ULK2: variants seen among roughly 807,000 people sequenced by gnomAD.
ULK2 encodes the protein unc-51 like autophagy activating kinase 2.
ULK2 carries 76 observed loss-of-function variants against 127.5 expected under a neutral mutation model. That is an observed-to-expected ratio of 0.60 (90% confidence interval 0.50 to 0.72). The LOEUF (loss-of-function observed/expected upper bound fraction) is 0.72. Among genes scored for constraint, ULK2 ranks in the 30% least tolerant of loss-of-function variants. The probability of loss-of-function intolerance (pLI) is 0.00; values close to 1 mark genes in which losing one functional copy is unlikely to be tolerated. For synonymous variants in ULK2, 452 were observed against 461.9 expected, an observed-to-expected ratio of 0.98 and a Z score of 0.28; for missense variants, 1,144 against 1,295.9, an observed-to-expected ratio of 0.88 and a Z score of 1.80.
chr17:19,820,853 A>G (rs1243378437), intron 12 of ULK2, among the ~76,000 whole-genome samples: 2 of 152,198 alleles, frequency 1.3e-5, no homozygotes, highest in African/African-American at 2.4e-5. Context: ...TCCCATAGGC[A>G]ATGAAGATAC....
chr17:19,814,438 A>ATTTTTTTTTTTT (rs1187090319), intron 13 of ULK2, among the ~76,000 whole-genome samples: 3 of 23,334 alleles, frequency 1.3e-4, no homozygotes, highest in Admixed American at 6.5e-4. Context: ...ATATATATAT[A>ATTTTTTTTTTTT]TTTTTTTTTT....
At chr17:19,855,321 G>A (rs1393679503) in intron 3 of ULK2, among the ~76,000 whole-genome samples, 5 of 150,520 alleles carry the variant, frequency 3.3e-5, no homozygotes, top group South Asian at 4.2e-4. Context: ...GGAGAATGGC[G>A]TGAACCCGGG....
intron 7 of ULK2, 54 bp from the exon 8 acceptor site, chr17:19,843,276 T>C (rs550808556): frequency 1.7e-6 from 2 of 1,181,904 alleles, no homozygotes; most frequent in Non-Finnish European, 2.4e-6. Context: ...ATAATTAATA[T>C]GCACATATTA....
intron 3 of ULK2, among the ~76,000 whole-genome samples, chr17:19,861,846 G>A (rs776328398): frequency 1.9e-4 from 29 of 152,218 alleles, no homozygotes; most frequent in Non-Finnish European, 7.4e-5. Flanking sequence ...ATGAAGAAAC[G>A]AATTAACAGC....
At chr17:19,847,130 C>A (rs1204919292) in intron 5 of ULK2, among the ~76,000 whole-genome samples, 1 of 152,114 alleles carries the variant, frequency 6.6e-6, no homozygotes, top group African/African-American at 2.4e-5. Flanking sequence ...CTGACTGGCA[C>A]TTTCACCTTT....
chr17:19,780,165 C>G (rs1279278572), intron 25 of ULK2, among the ~76,000 whole-genome samples: 1 of 150,178 alleles, frequency 6.7e-6, no homozygotes, highest in Non-Finnish European at 1.5e-5. Context: ...CAGAGTAACT[C>G]CGTCTCAAGA....
At chr17:19,846,615 G>A (rs1163248888) in intron 6 of ULK2, 122 bp downstream of exon 6, 1 of 1,153,026 alleles carries the variant, frequency 8.7e-7, no homozygotes, top group African/African-American at 1.6e-5. Flanking sequence ...ACGCCAGCCT[G>A]AGCAACAGAG....
chr17:19,814,436 A>G (rs56194055), intron 13 of ULK2, among the ~76,000 whole-genome samples: 1 of 24,074 alleles, frequency 4.2e-5, no homozygotes, highest in Non-Finnish European at 7.4e-5. Context: ...ATATATATAT[A>G]TATTTTTTTT....
intron 10 of ULK2, among the ~76,000 whole-genome samples, chr17:19,832,124 T>A: frequency 6.7e-6 from 1 of 148,522 alleles, no homozygotes; most frequent in African/African-American, 2.5e-5. Context: ...CAAAACTCCA[T>A]CTCAAAAAAA....
chr17:19,847,261 C>G (rs2152398738), intron 5 of ULK2, among the ~76,000 whole-genome samples: 1 of 152,216 alleles, frequency 6.6e-6, no homozygotes, highest in South Asian at 2.1e-4. Flanking sequence ...AAGCTAAGTT[C>G]CCTTCATATT....
At chr17:19,850,909 T>C (rs2041999868) in intron 3 of ULK2, among the ~76,000 whole-genome samples, 1 of 152,112 alleles carries the variant, frequency 6.6e-6, no homozygotes, top group Non-Finnish European at 1.5e-5. Flanking sequence ...CTGGGCCCAG[T>C]GGCTAACACT....
intron 6 of ULK2, among the ~76,000 whole-genome samples, chr17:19,845,978 T>C (rs1005937366): frequency 2.7e-5 from 4 of 150,380 alleles, no homozygotes; most frequent in African/African-American, 9.7e-5. Context: ...ATTAGCTGGG[T>C]GTGGTGGCAC....
At chr17:19,789,546 G>A (rs888105483) in intron 20 of ULK2, among the ~76,000 whole-genome samples, 2 of 152,232 alleles carry the variant, frequency 1.3e-5, no homozygotes, top group Admixed American at 1.3e-4. Context: ...CTTACCAAGT[G>A]AACTAAATAA....
intron 20 of ULK2, among the ~76,000 whole-genome samples, chr17:19,791,114 A>T (rs2087143248): frequency 1.3e-5 from 2 of 152,236 alleles, no homozygotes; most frequent in Non-Finnish European, 2.9e-5. Context: ...AAAATCAACA[A>T]AGAAACATCA....
At position 19,785,552 on chromosome 17, in the gene ULK2, A is replaced by C. The variant is rs572374874; in HGVS notation, c.2251+385T>G. On this transcript the variant is annotated intron_variant, in intron 21 of 26. Transcript: ENST00000395544. ...TCTTTAAAAAAAAAAACCAAAAAAA[A>C]ACCAAACCTATAATTTTCAAATAAT... 1.4e-3 allele frequency among the ~76,000 whole-genome samples: 212 copies of C among 150,490 alleles called. 1 individual carries two copies. Among genetic ancestry groups the C allele is most frequent in the African/African-American group, 5.2e-3 (207 of 39,988 alleles).
chr17:19,796,794 G>GGTGAGACCTGGCA (rs1203747750), intron 18 of ULK2, among the ~76,000 whole-genome samples: 1 of 152,178 alleles, frequency 6.6e-6, no homozygotes, highest in African/African-American at 2.4e-5. Context: ...AGGGTCTGCG[G>GGTGAGACCTGGCA]GTGAGACCTG....
In ULK2 at chr17:19,776,423, C is replaced by T. The variant is rs556111359; in HGVS notation, c.3053-16G>A. ...CTACATTTATCTAGAAATAAAATAACAAAAATGAAGAACTAATGAAAAAAA... is the reference window on the plus strand; with the variant it reads ...CTACATTTATCTAGAAATAAAATAATAAAAATGAAGAACTAATGAAAAAAA... On this transcript the variant is annotated splice_polypyrimidine_tract_variant and intron_variant, in intron 26 of 26. Coordinates refer to ENST00000395544, the MANE Select transcript of ULK2 (RefSeq NM_014683.4). 12 of 1,571,878 alleles carry T rather than the reference C, an allele frequency of 7.6e-6. No individual in the cohort carries two copies. The highest frequency in any genetic ancestry group is 4.7e-5 in the East Asian group (2 of 42,712).
intron 3 of ULK2, among the ~76,000 whole-genome samples, chr17:19,852,662 G>A (rs570242264): frequency 2.1e-5 from 3 of 140,334 alleles, no homozygotes; most frequent in African/African-American, 8.1e-5. Flanking sequence ...ACAGATTCTC[G>A]CTCTGTGGCC....
chr17:19,849,452 G>A (rs1198646706), intron 4 of ULK2, 47 bp from the exon 5 acceptor site: 1 of 1,524,176 alleles, frequency 6.6e-7, no homozygotes, highest in Admixed American at 1.8e-5. Context: ...AGTGATTCAA[G>A]ATTAATTCAA....
Sources: gnomAD v4.1 joint callset for allele counts (sites outside exome capture counted in the v4.1 genomes callset) on GRCh38, gnomAD v4.1.1 for gene constraint, MANE v1.5 for transcripts, NCBI Gene and HGNC (gene_info 2026-07-23, HGNC 2026-07-21) for gene names.